The following ATOH8 variants were observed in gnomAD, a reference collection of about 807,000 sequenced individuals.
The protein encoded by ATOH8 is atonal bHLH transcription factor 8, also known as transcription factor ATOH8.
ATOH8 carries 9 observed loss-of-function variants against 21.2 expected under a neutral mutation model. The ratio of observed to expected loss-of-function variants is 0.42; its 90% CI spans 0.26 to 0.74. The LOEUF is 0.74. Ranked by LOEUF, ATOH8 falls within the 30% of genes least tolerant of loss-of-function variation. The probability of loss-of-function intolerance (pLI) is 0.24; values close to 1 mark genes in which losing one functional copy is unlikely to be tolerated. For missense variants in ATOH8, 524 were observed against 470.9 expected (o/e 1.11, Z -1.04); for synonymous variants, 253 against 224.0 (o/e 1.13, Z -1.16).
At chr2:85,755,572 G>A (rs1679665181) in intron 1 of ATOH8, among the ~76,000 whole-genome samples, 1 of 152,204 alleles carries the variant, frequency 6.6e-6, no homozygotes. Context: ...CCTTTCACCC[G>A]TGGTGAAGCA....
chr2:85,757,917 C>T (rs937565785), intron 1 of ATOH8, among the ~76,000 whole-genome samples: 1 of 151,758 alleles, frequency 6.6e-6, no homozygotes, highest in Non-Finnish European at 1.5e-5. Flanking sequence ...TCCCGAGTAG[C>T]TGGGATTACA....
chr2:85,775,918 C>T (rs958879726), intron 2 of ATOH8, among the ~76,000 whole-genome samples: 1 of 152,196 alleles, frequency 6.6e-6, no homozygotes, highest in African/African-American at 2.4e-5. Flanking sequence ...CTTCTTTGAG[C>T]TTGCCCAGTC....
Position 85,754,912 on chromosome 2 carries a change from GCGGGTGCA to G in ATOH8, c.725_732del (p.Arg242HisfsTer33), listed in dbSNP as rs764591427. 1 of 1,608,968 alleles carries G rather than the reference GCGGGTGCA, an allele frequency of 6.2e-7. No homozygotes were observed. The highest frequency in any genetic ancestry group is 1.3e-5 in the African/African-American group (1 of 74,938). ...TCCTGGCGAACGCCAGGGAGCGGAC[GCGGGTGCA>G]CACCATCAGCGCAGCCTTCGAGGCG... is the stretch of plus-strand genomic sequence containing the variant. On this transcript the variant is annotated frameshift_variant, in exon 1 of 3. Transcript: ENST00000306279. LOFTEE classifies it high-confidence loss of function.
intron 2 of ATOH8, among the ~76,000 whole-genome samples, chr2:85,767,840 G>T (rs923905495): frequency 1.5e-4 from 23 of 152,328 alleles, no homozygotes; most frequent in African/African-American, 5.5e-4. Context: ...AGGAGGGCTG[G>T]AGAGATTGCC....
chr2:85,772,943 G>A (rs759224191), intron 2 of ATOH8: 28 of 404,634 alleles, frequency 6.9e-5, no homozygotes, highest in Admixed American at 2.0e-4. Flanking sequence ...CTTTCTCAAG[G>A]CTGTTGTCAC....
At chr2:85,759,134 C>T (rs1679795010) in intron 1 of ATOH8, among the ~76,000 whole-genome samples, 1 of 152,198 alleles carries the variant, frequency 6.6e-6, no homozygotes, top group African/African-American at 2.4e-5. Context: ...AGGGGGTCTT[C>T]ACCGAGTGAA....
At chr2:85,757,300 G>C (rs1049360973) in intron 1 of ATOH8, among the ~76,000 whole-genome samples, 1 of 152,264 alleles carries the variant, frequency 6.6e-6, no homozygotes, top group Non-Finnish European at 1.5e-5. Flanking sequence ...GCACCCATTC[G>C]ATAGAGGAAG....
chr2:85,759,270 C>T (rs370217800), intron 1 of ATOH8, among the ~76,000 whole-genome samples: 12 of 152,168 alleles, frequency 7.9e-5, no homozygotes, highest in East Asian at 7.7e-4. Flanking sequence ...TCTCGGGCAA[C>T]GAGGGACAGG....
chr2:85,754,232 G>T lies in ATOH8; in HGVS notation c.43G>T (p.Val15Leu), dbSNP rs1413162691. ...PVLEDGPWKT[V>L]CVKELNGLKK... is the part of the protein sequence containing the mutation. ...CCTCGAGGACGGGCCGTGGAAGACCGTGTGCGTGAAGGAGCTGAACGGCCT... is the reference window on the plus strand; with the variant it reads ...CCTCGAGGACGGGCCGTGGAAGACCTTGTGCGTGAAGGAGCTGAACGGCCT... The change falls in exon 1 of 3, where the codon GTG (valine) becomes TTG (leucine). Residue 15 changes from valine (V) to leucine (L), a missense_variant. Coordinates refer to ENST00000306279, the MANE Select transcript of ATOH8 (RefSeq NM_032827.7). 1.6e-5 allele frequency: 25 copies of T among 1,607,826 alleles called. No homozygotes were observed. In the Admixed American group the frequency reaches 4.2e-4, roughly 27 times the overall value.
At chr2:85,784,957 G>A (rs1029663707) in intron 2 of ATOH8, among the ~76,000 whole-genome samples, 2 of 152,326 alleles carry the variant, frequency 1.3e-5, no homozygotes, top group Non-Finnish European at 2.9e-5. Flanking sequence ...CAGTGTAGAC[G>A]CCAGGAAAAG....
rs1252974836 is a variant in ATOH8, at chr2:85,766,235, A to G, written c.960+2053A>G. On this transcript the variant is annotated intron_variant, in intron 2 of 2. Transcript: ENST00000306279. The surrounding 1 kb of genome is among the most constrained non-coding windows in gnomAD (Gnocchi z 4.0). ...GAGCTCTGAACTTGAGGCTTATCCT[A>G]TGGGGCTTACTTATGTGGTGAAATT... 2.0e-5 allele frequency among the ~76,000 whole-genome samples: 3 copies of G among 151,984 alleles called. No individual in the cohort carries two copies. Among genetic ancestry groups the G allele is most frequent in the South Asian group, 4.1e-4 (2 of 4,822 alleles).
intron 2 of ATOH8, among the ~76,000 whole-genome samples, chr2:85,776,881 CT>C (rs951590403): frequency 1.3e-5 from 2 of 152,084 alleles, no homozygotes; most frequent in African/African-American, 4.8e-5. Context: ...GTCCATCCCC[CT>C]GTCAGCAGCT....
rs1191097713 is a variant in ATOH8, at chr2:85,785,340, C to T, written c.961-1545C>T. Among the ~76,000 whole-genome samples the T allele has an allele frequency of 6.6e-6, 1 of 152,260 alleles. No homozygotes were observed. The highest frequency in any genetic ancestry group is 1.5e-5 in the Non-Finnish European group (1 of 68,056). On this transcript the variant is annotated intron_variant, in intron 2 of 2. Coordinates refer to ENST00000306279, the MANE Select transcript of ATOH8 (RefSeq NM_032827.7). The surrounding 1 kb of genome is among the most constrained non-coding windows in gnomAD (Gnocchi z 4.1). ...CCTCCTCAGACTCGGTAACACAAAG[C>T]AGATTCCTGCTGGGGCCAGCCATGC...
At chr2:85,771,368 C>A (rs1489140486) in intron 2 of ATOH8, among the ~76,000 whole-genome samples, 1 of 152,182 alleles carries the variant, frequency 6.6e-6, no homozygotes, top group African/African-American at 2.4e-5. Flanking sequence ...AAGGATTAAA[C>A]AAGACCCCAT....
intron 2 of ATOH8, chr2:85,772,885 C>G (rs576532728): frequency 8.9e-5 from 40 of 449,230 alleles, no homozygotes; most frequent in African/African-American, 7.5e-4. Flanking sequence ...TCCTCCTCTG[C>G]GAGCCCGAAG....
At chr2:85,760,916 A>T (rs1008146492) in intron 1 of ATOH8, 1 of 152,398 alleles carries the variant, frequency 6.6e-6, no homozygotes, top group South Asian at 2.1e-4. Context: ...AGTGCCTGGA[A>T]TTCAGACGAG....
chr2:85,765,205 G>T (rs199747297), intron 2 of ATOH8, among the ~76,000 whole-genome samples: 1 of 152,190 alleles, frequency 6.6e-6, no homozygotes, highest in East Asian at 1.9e-4. Flanking sequence ...GCCTAGGGCA[G>T]GGGGCGGACC....
intron 1 of ATOH8, among the ~76,000 whole-genome samples, chr2:85,759,895 G>A (rs1404524119): frequency 6.6e-6 from 1 of 152,094 alleles, no homozygotes; most frequent in Admixed American, 6.5e-5. Context: ...GCATTCTCTG[G>A]TGGGTTCTCG....
At position 85,787,137 on chromosome 2, in the gene ATOH8, G is replaced by A. The variant is rs1680641152; in HGVS notation, c.*247G>A. 6 of 544,174 alleles carry A rather than the reference G, an allele frequency of 1.1e-5. No individual in the cohort carries two copies. The highest frequency in any genetic ancestry group is 3.2e-5 in the Admixed American group (1 of 30,772). 33.7% of individuals were successfully genotyped at this position (544,174 alleles called of 1,614,324 possible). On this transcript the variant is annotated 3_prime_UTR_variant, in exon 3 of 3. Transcript: ENST00000306279. The stretch of plus-strand genomic sequence containing the variant: ...GTGGGGAGGGGAGAGCTCAGCCCCC[G>A]ACTCACTCAGACCCCAAGGCCCACT...
Sources: gnomAD v4.1 joint callset for allele counts (sites outside exome capture counted in the v4.1 genomes callset) on GRCh38, gnomAD v4.1.1 for gene constraint, Gnocchi (gnomAD v3.1) non-coding constraint, MANE v1.5 for transcripts, NCBI Gene and HGNC (gene_info 2026-07-23, HGNC 2026-07-21) for gene names.